Variants in THAP4 observed in about 807,000 individuals in gnomAD.
THAP4 encodes the protein peroxynitrite isomerase THAP4.
A neutral mutation model predicts 48.1 loss-of-function variants in THAP4; 18 were observed. The observed-to-expected ratio is 0.37, with a 90% CI of 0.26 to 0.56. The LOEUF (loss-of-function observed/expected upper bound fraction) is 0.56, where lower values mean the gene tolerates loss of function less well. Among genes scored for constraint, THAP4 ranks in the 20% least tolerant of loss-of-function variants. The pLI, the probability that THAP4 is intolerant of heterozygous loss-of-function variation, is 0.78. For synonymous variants in THAP4, 345 were observed against 324.9 expected, an observed-to-expected ratio of 1.06 and a Z score of -0.66; for missense variants, 656 against 774.9, an observed-to-expected ratio of 0.85 and a Z score of 1.82.
chr2:241,627,103 C>G (rs1233177148), intron 2 of THAP4, among the ~76,000 whole-genome samples: 1 of 152,180 alleles, frequency 6.6e-6, no homozygotes, highest in African/African-American at 2.4e-5. Flanking sequence ...CCTCTCACCC[C>G]CTGCCCTGTT....
At chr2:241,626,659 G>A (rs908543478) in intron 2 of THAP4, among the ~76,000 whole-genome samples, 2 of 151,908 alleles carry the variant, frequency 1.3e-5, no homozygotes, top group African/African-American at 4.8e-5. Context: ...CACCTCCCGG[G>A]TTCAAGTGAT....
chr2:241,609,721 A>G (rs1426935212), intron 2 of THAP4, among the ~76,000 whole-genome samples: 1 of 151,694 alleles, frequency 6.6e-6, no homozygotes, highest in African/African-American at 2.4e-5. Context: ...CGGGAGGCGG[A>G]GGTTGCAGTG....
intron 2 of THAP4, among the ~76,000 whole-genome samples, chr2:241,625,134 C>T (rs2067480917): frequency 6.6e-6 from 1 of 152,116 alleles, no homozygotes; most frequent in Non-Finnish European, 1.5e-5. Context: ...CTTCCTAACT[C>T]ATTCTGTGTG....
intron 2 of THAP4, 56 bp from the exon 3 acceptor site, chr2:241,606,529 G>T: frequency 1.3e-6 from 2 of 1,483,936 alleles, no homozygotes; most frequent in Non-Finnish European, 1.8e-6. Flanking sequence ...GCCTTGCTGA[G>T]CTTTAAGCAG....
chr2:241,626,564 G>GT (rs1326977145), intron 2 of THAP4, among the ~76,000 whole-genome samples: 3 of 151,632 alleles, frequency 2.0e-5, no homozygotes, highest in Non-Finnish European at 4.4e-5. Flanking sequence ...TTTCTTAACA[G>GT]TTTTTGTTTT....
chr2:241,600,024 C>T (rs2067093304), intron 5 of THAP4, among the ~76,000 whole-genome samples: 1 of 151,916 alleles, frequency 6.6e-6, no homozygotes, highest in African/African-American at 2.4e-5. Flanking sequence ...GCCTGGTCAA[C>T]ATGGCTACTA....
intron 2 of THAP4, among the ~76,000 whole-genome samples, chr2:241,621,727 T>C (rs2067431105): frequency 6.6e-6 from 1 of 152,112 alleles, no homozygotes; most frequent in South Asian, 2.1e-4. Context: ...TTAACCATAG[T>C]TCAGAGTTTT....
intron 5 of THAP4, among the ~76,000 whole-genome samples, chr2:241,594,192 G>A (rs2067021891): frequency 6.6e-6 from 1 of 152,196 alleles, no homozygotes. Context: ...CTCAGGACAG[G>A]CAATCTACAG....
Position 241,610,034 on chromosome 2 carries a change from C to T in THAP4, c.1241-3561G>A, listed in dbSNP as rs1559226065. Among the ~76,000 whole-genome samples, 1 of 152,216 alleles carries T rather than the reference C, an allele frequency of 6.6e-6. No individual in the cohort carries two copies. Among genetic ancestry groups the T allele is most frequent in the Non-Finnish European group, 1.5e-5 (1 of 68,030 alleles). On this transcript the variant is annotated intron_variant, in intron 2 of 5. Coordinates refer to ENST00000407315, the MANE Select transcript of THAP4 (RefSeq NM_015963.6). This position sits in a 1 kb window ranked among gnomAD's most constrained non-coding sequence, Gnocchi z 4.2. ...GCTGCACCGGGGCCGCGATCTCCAC[C>T]CCTCACGCCCGAGTCCCCGGCACGG...
rs1393777161 is a variant in THAP4 at position 241,610,456 on chromosome 2, T to C, written c.1241-3983A>G. ...GCGCTGGGCGGTGGGGCGCGCTCAC[T>C]GGCTGCCACCTCACCTAGCAGGCGT... is the stretch of plus-strand genomic sequence containing the variant. On this transcript the variant is annotated intron_variant, in intron 2 of 5. Coordinates refer to ENST00000407315, the MANE Select transcript of THAP4 (RefSeq NM_015963.6). The surrounding 1 kb of genome is among the most constrained non-coding windows in gnomAD (Gnocchi z 4.2). Among the ~76,000 whole-genome samples, 1 of 152,178 alleles carries C rather than the reference T, an allele frequency of 6.6e-6. No individual in the cohort carries two copies. Among genetic ancestry groups the C allele is most frequent in the Non-Finnish European group, 1.5e-5 (1 of 68,022 alleles).
intron 3 of THAP4, among the ~76,000 whole-genome samples, chr2:241,603,870 C>T (rs1331364784): frequency 6.6e-6 from 1 of 152,094 alleles, no homozygotes; most frequent in African/African-American, 2.4e-5. Context: ...TAAAAACTAA[C>T]TCGCTGGCAT....
Position 241,606,398 on chromosome 2 carries a change from G to T in THAP4, c.1316C>A (p.Ala439Asp), listed in dbSNP as rs1472580716. Residue 439 changes from alanine to aspartate, a missense_variant, in exon 3 of 6, where the codon GCC (alanine) becomes GAC (aspartate). Around this residue, in one of 4 missense-constraint regions of THAP4, gnomAD observed 176 missense variants for 256.7 expected, o/e 0.69. Coordinates refer to ENST00000407315, the MANE Select transcript of THAP4 (RefSeq NM_015963.6). ...GGGCTGCAGTGTGGGGTAGGTCCCG[G>T]CTCCAGGTGGGTCCGACAGCCAGGT... ...LGTWLSDPPG[A>D]GTYPTLQPFQ... The T allele has an allele frequency of 1.2e-6, 2 of 1,602,910 alleles. No individual in the cohort carries two copies. Among genetic ancestry groups the T allele is most frequent in the Non-Finnish European group, 1.7e-6 (2 of 1,174,796 alleles).
chr2:241,589,855 C>T (rs947257851), intron 5 of THAP4, among the ~76,000 whole-genome samples: 3 of 152,132 alleles, frequency 2.0e-5, no homozygotes, highest in East Asian at 1.9e-4. Context: ...AACAAGCAGA[C>T]GTGGCACATG....
At chr2:241,623,149 G>A (rs746072478) in intron 2 of THAP4, among the ~76,000 whole-genome samples, 1 of 152,062 alleles carries the variant, frequency 6.6e-6, no homozygotes, top group Non-Finnish European at 1.5e-5. Flanking sequence ...CCAGGGAGTC[G>A]GAGGCTGCAG....
intron 2 of THAP4, among the ~76,000 whole-genome samples, chr2:241,611,546 A>G (rs767931628): frequency 5.3e-5 from 8 of 152,122 alleles, no homozygotes; most frequent in Non-Finnish European, 1.0e-4. Flanking sequence ...AACATGGTGA[A>G]ATCCCATCTC....
At chr2:241,590,523 C>T (rs2066951558) in intron 5 of THAP4, among the ~76,000 whole-genome samples, 1 of 144,786 alleles carries the variant, frequency 6.9e-6, no homozygotes, top group African/African-American at 2.7e-5. Context: ...ACACACAGAG[C>T]TGCTCGGCTG....
intron 2 of THAP4, among the ~76,000 whole-genome samples, chr2:241,630,414 G>C (rs910940607): frequency 6.6e-6 from 1 of 152,164 alleles, no homozygotes; most frequent in Non-Finnish European, 1.5e-5. Flanking sequence ...AGGGCTGGCT[G>C]TTTGCAAAAA....
chr2:241,604,765 C>T (rs902153336), intron 3 of THAP4, among the ~76,000 whole-genome samples: 1 of 151,784 alleles, frequency 6.6e-6, no homozygotes, highest in South Asian at 2.1e-4. Context: ...ACTGTGTTGC[C>T]CAGGCTGGTC....
chr2:241,631,796 T>C (rs770756508), intron 2 of THAP4, among the ~76,000 whole-genome samples: 3 of 152,182 alleles, frequency 2.0e-5, no homozygotes, highest in Non-Finnish European at 4.4e-5. Flanking sequence ...CAACAAGGAA[T>C]AGAACTTGGG....
Sources: allele counts gnomAD v4.1 joint callset (sites outside exome capture counted in the v4.1 genomes callset), GRCh38; gene constraint gnomAD v4.1.1; regional missense constraint gnomAD v4.1.1; non-coding constraint Gnocchi (gnomAD v3.1); transcripts MANE v1.5; gene names NCBI Gene and HGNC (gene_info 2026-07-23, HGNC 2026-07-21).